The following SLC2A13 variants were observed in gnomAD, a reference collection of about 807,000 sequenced individuals.
SLC2A13 encodes the protein solute carrier family 2 member 13.
Under a neutral mutation model 64.4 loss-of-function variants are expected in SLC2A13, and 32 were observed. The ratio of observed to expected loss-of-function variants is 0.50; its 90% CI spans 0.37 to 0.67. The LOEUF (loss-of-function observed/expected upper bound fraction) is 0.67, where lower values mean the gene tolerates loss of function less well. Ranked by LOEUF, SLC2A13 falls within the 30% of genes least tolerant of loss-of-function variation. The probability of loss-of-function intolerance (pLI) is 0.00; values close to 1 mark genes in which losing one functional copy is unlikely to be tolerated. For synonymous variants in SLC2A13, 338 were observed against 327.1 expected, an observed-to-expected ratio of 1.03 and a Z score of -0.36; for missense variants, 743 against 829.2, an observed-to-expected ratio of 0.90 and a Z score of 1.28.
At chr12:39,978,965 G>A (rs886203440) in intron 3 of SLC2A13, among the ~76,000 whole-genome samples, 10 of 149,506 alleles carry the variant, frequency 6.7e-5, no homozygotes, top group Non-Finnish European at 1.0e-4. Context: ...CCAGCACGCA[G>A]CTGGAGATCT....
rs183162049 is a variant in SLC2A13 at position 40,042,020 on chromosome 12, A to G, written c.716+6031T>C. Reference sequence around the variant, plus strand: ...ACCTGTGTCCACCTGAGTCCCATCAATTCTTCAAAACTCAGCATGTCTCAC... The same window carrying G: ...ACCTGTGTCCACCTGAGTCCCATCAGTTCTTCAAAACTCAGCATGTCTCAC... On this transcript the variant is annotated intron_variant, in intron 2 of 9. Transcript: ENST00000280871. Among the ~76,000 whole-genome samples the G allele has an allele frequency of 2.3e-3, 350 of 152,286 alleles. 2 individuals carry two copies. The highest frequency in any genetic ancestry group is 3.3e-3 in the Non-Finnish European group (224 of 68,010).
intron 1 of SLC2A13, among the ~76,000 whole-genome samples, chr12:40,095,937 T>C (rs1243977403): frequency 6.6e-6 from 1 of 152,114 alleles, no homozygotes; most frequent in Non-Finnish European, 1.5e-5. Flanking sequence ...TTTTTCTGTT[T>C]GTTTGTTTTT....
At chr12:39,994,714 C>T (rs1036052113) in intron 3 of SLC2A13, among the ~76,000 whole-genome samples, 1 of 152,122 alleles carries the variant, frequency 6.6e-6, no homozygotes, top group Non-Finnish European at 1.5e-5. Context: ...AATATGGGAT[C>T]CATGAATTTA....
intron 6 of SLC2A13, among the ~76,000 whole-genome samples, chr12:39,832,501 A>T (rs1468009315): frequency 1.3e-5 from 2 of 152,084 alleles, no homozygotes; most frequent in Admixed American, 1.3e-4. Context: ...GATGTCATCC[A>T]TAACAAATAA....
At position 40,105,505 on chromosome 12, in the gene SLC2A13, C is replaced by T; in HGVS notation, c.304G>A (p.Val102Met). Residue 102 changes from valine (V) to methionine (M), a missense_variant, in exon 1 of 10, where the codon GTG becomes ATG. By Grantham distance (21) the Val-to-Met change is conservative (BLOSUM62 1). This residue lies in a region of SLC2A13 where 448 missense variants were observed against 447.4 expected (regional missense o/e 1.00). Coordinates refer to ENST00000280871, the MANE Select transcript of SLC2A13 (RefSeq NM_052885.4). The surrounding 1 kb of genome is among the most constrained non-coding windows in gnomAD (Gnocchi z 4.2). The stretch of plus-strand genomic sequence containing the variant: ...TTGAGCAGCAGCATGGCCCCTGACA[C>T]CACCCCGGTGTCATAGCCAAACAGG... ...GFLFGYDTGV[V>M]SGAMLLLKRQ... 6.3e-7 allele frequency: 1 copy of T among 1,579,528 alleles called. No homozygotes were observed. Among genetic ancestry groups the T allele is most frequent in the Non-Finnish European group, 8.6e-7 (1 of 1,164,678 alleles).
chr12:39,860,953 C>T (rs750560241), intron 6 of SLC2A13, among the ~76,000 whole-genome samples: 7 of 152,166 alleles, frequency 4.6e-5, no homozygotes, highest in Non-Finnish European at 8.8e-5. Context: ...CATGGATTTA[C>T]GTTCTTAGAC....
At chr12:39,869,068 A>C (rs964136564) in intron 5 of SLC2A13, among the ~76,000 whole-genome samples, 2 of 152,238 alleles carry the variant, frequency 1.3e-5, no homozygotes, top group African/African-American at 4.8e-5. Context: ...TAGCCAATTT[A>C]AGAAATTTAA....
At chr12:39,891,093 A>G in intron 4 of SLC2A13, among the ~76,000 whole-genome samples, 1 of 150,296 alleles carries the variant, frequency 6.7e-6, no homozygotes, top group Non-Finnish European at 1.5e-5. Context: ...CTAAATCACT[A>G]AGAATCTCTC....
chr12:39,978,713 G>C (rs1946818567), intron 3 of SLC2A13, among the ~76,000 whole-genome samples: 3 of 152,180 alleles, frequency 2.0e-5, no homozygotes, highest in Admixed American at 6.5e-5. Context: ...AGCAGTCTGA[G>C]ATCAAACTGC....
intron 7 of SLC2A13, among the ~76,000 whole-genome samples, chr12:39,766,875 T>C (rs1209434820): frequency 6.6e-6 from 1 of 152,072 alleles, no homozygotes; most frequent in Non-Finnish European, 1.5e-5. Flanking sequence ...TCTACAATAG[T>C]TCTCTTGCTG....
Position 39,757,487 on chromosome 12 carries a change from T to C in SLC2A13, c.*2539A>G, listed in dbSNP as rs1940000127. On this transcript the variant is annotated 3_prime_UTR_variant, in exon 10 of 10. Transcript: ENST00000280871. ...TTAATTTTTAATATACTATAAATGT[T>C]CACCAAATCTAAAAATAATACCCTA... is the stretch of plus-strand genomic sequence containing the variant. 1 of 151,784 alleles carries C rather than the reference T, an allele frequency of 6.6e-6. No homozygotes were observed. The highest frequency in any genetic ancestry group is 2.1e-4 in the South Asian group (1 of 4,826). The allele number at this position is 151,784 out of a possible 1,614,324, so 9.4% of individuals were successfully genotyped here.
chr12:39,875,890 T>G (rs1326416175), intron 4 of SLC2A13, among the ~76,000 whole-genome samples: 2 of 152,214 alleles, frequency 1.3e-5, no homozygotes, highest in Non-Finnish European at 2.9e-5. Context: ...TAAACCTTTA[T>G]GCAGTAGTTT....
At chr12:39,789,837 T>G (rs1385736435) in intron 7 of SLC2A13, among the ~76,000 whole-genome samples, 1 of 152,200 alleles carries the variant, frequency 6.6e-6, no homozygotes, top group Non-Finnish European at 1.5e-5. Flanking sequence ...TTTGGGTATC[T>G]GCTTTTATAG....
chr12:39,810,635 C>T (rs181004188), intron 7 of SLC2A13, among the ~76,000 whole-genome samples: 51 of 152,110 alleles, frequency 3.4e-4, no homozygotes, highest in African/African-American at 1.1e-3. Context: ...TGTATCAGGT[C>T]GAGGAAGTTT....
intron 1 of SLC2A13, among the ~76,000 whole-genome samples, chr12:40,075,982 C>G (rs894855061): frequency 1.3e-5 from 2 of 152,106 alleles, no homozygotes; most frequent in Non-Finnish European, 2.9e-5. Context: ...TCACTTTTAT[C>G]TCTTGGATCA....
intron 5 of SLC2A13, among the ~76,000 whole-genome samples, chr12:39,868,453 T>G (rs1380391715): frequency 6.6e-6 from 1 of 152,222 alleles, no homozygotes; most frequent in African/African-American, 2.4e-5. Flanking sequence ...TTCTCACACT[T>G]TGTGTGCATA....
chr12:39,993,886 T>G (rs1947180051), intron 3 of SLC2A13, among the ~76,000 whole-genome samples: 1 of 152,240 alleles, frequency 6.6e-6, no homozygotes, highest in Non-Finnish European at 1.5e-5. Context: ...GTTTCTTATC[T>G]ACTTAAATAT....
intron 5 of SLC2A13, 145 bp from the exon 6 acceptor site, chr12:39,865,027 T>G: frequency 4.4e-6 from 3 of 676,884 alleles, no homozygotes; most frequent in Non-Finnish European, 6.9e-6. Flanking sequence ...CACTGGATTT[T>G]TAAAAAGTAC....
intron 4 of SLC2A13, among the ~76,000 whole-genome samples, chr12:39,891,702 G>A (rs1238707600): frequency 6.6e-6 from 1 of 152,128 alleles, no homozygotes; most frequent in Non-Finnish European, 1.5e-5. Context: ...GTGGCTCAGA[G>A]AAGTTATGAA....
Sources: gnomAD v4.1 joint callset for allele counts (sites outside exome capture counted in the v4.1 genomes callset) on GRCh38, gnomAD v4.1.1 for gene constraint, gnomAD v4.1.1 regional missense constraint, Gnocchi (gnomAD v3.1) non-coding constraint, MANE v1.5 for transcripts, NCBI Gene and HGNC (gene_info 2026-07-23, HGNC 2026-07-21) for gene names.